Variants in ROCK1 observed in about 807,000 individuals in gnomAD.
The protein encoded by ROCK1 is Rho associated coiled-coil containing protein kinase 1, also known as rho-associated protein kinase 1.
A neutral mutation model predicts 196.8 loss-of-function variants in ROCK1; 36 were observed. That is an observed-to-expected ratio of 0.18 (90% CI 0.14 to 0.24). The LOEUF (loss-of-function observed/expected upper bound fraction) is 0.24, where lower values mean the gene tolerates loss of function less well. ROCK1 is among the 10% of genes least tolerant of loss of function. The probability of loss-of-function intolerance (pLI) is 1.00; values close to 1 mark genes in which losing one functional copy is unlikely to be tolerated. For synonymous variants in ROCK1, 443 were observed against 515.9 expected, an observed-to-expected ratio of 0.86 and a Z score of 1.91; for missense variants, 920 against 1,562.0, an observed-to-expected ratio of 0.59 and a Z score of 6.93.
At chr18:21,093,221 C>T (rs2036585588) in intron 1 of ROCK1, among the ~76,000 whole-genome samples, 1 of 152,200 alleles carries the variant, frequency 6.6e-6, no homozygotes, top group African/African-American at 2.4e-5. Flanking sequence ...GCTACTGGCA[C>T]TCGTCTTGTA....
chr18:21,027,409 T>C (rs1167483582), intron 10 of ROCK1, among the ~76,000 whole-genome samples: 3 of 152,238 alleles, frequency 2.0e-5, no homozygotes, highest in Admixed American at 6.5e-5. Flanking sequence ...ATCTGTGGAA[T>C]GAATGAATGC....
chr18:20,974,075 T>C (rs2035456442), intron 22 of ROCK1, among the ~76,000 whole-genome samples: 1 of 152,192 alleles, frequency 6.6e-6, no homozygotes. Flanking sequence ...CAGCAATATT[T>C]GGCACTTTTA....
chr18:20,995,444 T>C (rs116410765), intron 16 of ROCK1, among the ~76,000 whole-genome samples: 3,610 of 152,228 alleles, frequency 0.024, 152 homozygotes, highest in African/African-American at 0.083. Context: ...TAGTGATATA[T>C]ATCAGCTTGG....
intron 1 of ROCK1, among the ~76,000 whole-genome samples, chr18:21,082,138 C>T (rs2036487809): frequency 6.6e-6 from 1 of 151,806 alleles, no homozygotes; most frequent in African/African-American, 2.4e-5. Flanking sequence ...GGGGTTTTAC[C>T]ATGCTGCCCA....
At chr18:21,027,189 T>G (rs991074448) in intron 10 of ROCK1, among the ~76,000 whole-genome samples, 1 of 152,166 alleles carries the variant, frequency 6.6e-6, no homozygotes, top group African/African-American at 2.4e-5. Flanking sequence ...CCTGCCCACC[T>G]TGGCTTCCCA....
intron 20 of ROCK1, among the ~76,000 whole-genome samples, chr18:20,983,046 A>G (rs1260845988): frequency 1.3e-5 from 2 of 152,062 alleles, no homozygotes; most frequent in Non-Finnish European, 1.5e-5. Context: ...ATGCAAAAGT[A>G]GTGAGAACCC....
chr18:20,984,083 C>T (rs573493926), intron 20 of ROCK1, among the ~76,000 whole-genome samples: 126 of 152,290 alleles, frequency 8.3e-4, no homozygotes, highest in African/African-American at 2.9e-3. Flanking sequence ...TGAACATCTC[C>T]TACAAGGCAC....
chr18:20,987,822 A>G (rs999355145), intron 18 of ROCK1, among the ~76,000 whole-genome samples: 40 of 152,170 alleles, frequency 2.6e-4, no homozygotes, highest in African/African-American at 8.7e-4. Flanking sequence ...CAAACTTACA[A>G]ACTTAGCTGC....
chr18:21,078,373 C>CACACACACACAG (rs1491188980), intron 1 of ROCK1, among the ~76,000 whole-genome samples: 14 of 66,114 alleles, frequency 2.1e-4, no homozygotes, highest in African/African-American at 3.6e-4. Context: ...CACACACACA[C>CACACACACACAG]AGAGAGAGAG....
chr18:21,083,520 C>T (rs2036499356), intron 1 of ROCK1, among the ~76,000 whole-genome samples: 1 of 150,330 alleles, frequency 6.7e-6, no homozygotes, highest in African/African-American at 2.5e-5. Context: ...CTGCATGAGT[C>T]CACTTATACC....
At chr18:21,040,251 C>A (rs1254954123) in intron 8 of ROCK1, among the ~76,000 whole-genome samples, 1 of 151,956 alleles carries the variant, frequency 6.6e-6, no homozygotes, top group African/African-American at 2.4e-5. Flanking sequence ...TTTCCCCAAC[C>A]AAAACTTTAC....
chr18:21,084,382 G>T (rs1016459050), intron 1 of ROCK1, among the ~76,000 whole-genome samples: 35 of 151,296 alleles, frequency 2.3e-4, no homozygotes, highest in African/African-American at 8.5e-4. Context: ...TCTGATAAGA[G>T]ATTATTACGC....
intron 1 of ROCK1, among the ~76,000 whole-genome samples, chr18:21,097,013 G>A (rs1416966505): frequency 6.6e-6 from 1 of 152,184 alleles, no homozygotes; most frequent in Non-Finnish European, 1.5e-5. Context: ...GTGTGAGGAG[G>A]ACATGGGGGA....
At chr18:21,027,901 AC>A (rs1450343001) in intron 10 of ROCK1, among the ~76,000 whole-genome samples, 2 of 145,814 alleles carry the variant, frequency 1.4e-5, no homozygotes, top group African/African-American at 2.5e-5. Context: ...AGCTGGGACT[AC>A]AGGCGCCCGC....
At chr18:21,046,303 T>TCTCTTCTAAAAC (rs2036158319) in intron 4 of ROCK1, among the ~76,000 whole-genome samples, 2 of 152,222 alleles carry the variant, frequency 1.3e-5, no homozygotes, top group African/African-American at 4.8e-5. Context: ...GTAAGGACTA[T>TCTCTTCTAAAAC]ACTTCGTTTA....
intron 13 of ROCK1, among the ~76,000 whole-genome samples, chr18:21,013,903 A>G (rs753367466): frequency 1.3e-5 from 2 of 151,964 alleles, no homozygotes; most frequent in Non-Finnish European, 2.9e-5. Context: ...CTACTAAAAA[A>G]AATATATAAA....
chr18:21,065,688 T>C (rs1439008621), intron 2 of ROCK1, among the ~76,000 whole-genome samples: 1 of 152,174 alleles, frequency 6.6e-6, no homozygotes, highest in East Asian at 1.9e-4. Flanking sequence ...CTTGGTATCA[T>C]CTCTCTAACT....
chr18:21,017,987 C>CAAAA (rs926198648), intron 12 of ROCK1, among the ~76,000 whole-genome samples: 1 of 145,174 alleles, frequency 6.9e-6, no homozygotes, highest in African/African-American at 2.5e-5. Flanking sequence ...AAAATAAAAA[C>CAAAA]AAAAAAAAAA....
rs140234213 is a variant in ROCK1, at chr18:21,094,195, A to G, written c.93+16623T>C. On this transcript the variant is annotated intron_variant, in intron 1 of 32. Coordinates refer to ENST00000399799, the MANE Select transcript of ROCK1 (RefSeq NM_005406.3). ...AACACAAAGAAAAACGTAAGAGAAC[A>G]CAGAGAATGAGCCTTGCTTGCATTT... 1.7e-3 allele frequency among the ~76,000 whole-genome samples: 258 copies of G among 152,348 alleles called. 2 individuals are homozygous for G. The highest frequency in any genetic ancestry group is 6.0e-3 in the African/African-American group (249 of 41,580).
Sources: gnomAD v4.1 joint callset for allele counts (sites outside exome capture counted in the v4.1 genomes callset) on GRCh38, gnomAD v4.1.1 for gene constraint, MANE v1.5 for transcripts, NCBI Gene and HGNC (gene_info 2026-07-23, HGNC 2026-07-21) for gene names.